The following KCNJ14 variants were observed in gnomAD, a reference collection of about 807,000 sequenced individuals.
The protein encoded by KCNJ14 is ATP-sensitive inward rectifier potassium channel 14.
A neutral mutation model predicts 24.5 loss-of-function variants in KCNJ14; 18 were observed. That is an observed-to-expected ratio of 0.74 (90% CI 0.51 to 1.09). The LOEUF (loss-of-function observed/expected upper bound fraction) is 1.09. KCNJ14 is among the 50% of genes least tolerant of loss of function. The pLI is 0.00. For synonymous variants in KCNJ14, 288 were observed against 270.8 expected, an observed-to-expected ratio of 1.06 and a Z score of -0.63; for missense variants, 633 against 623.0, an observed-to-expected ratio of 1.02 and a Z score of -0.17.
At chr19:48,461,550 A>AAAAAAAAAAAAAAAAAATG (rs370425889) in intron 1 of KCNJ14, 120 bp from the exon 2 acceptor site, 1 of 346,458 alleles carries the variant, frequency 2.9e-6, no homozygotes, top group African/African-American at 3.1e-5. Context: ...AAAAAAAAAA[A>AAAAAAAAAAAAAAAAAATG]TGCGTATCGT....
At position 48,462,365 on chromosome 19, in the gene KCNJ14, G is replaced by T; in HGVS notation, c.641G>T (p.Cys214Phe). 8 of 1,537,070 alleles carry T rather than the reference G, an allele frequency of 5.2e-6. No homozygotes were observed. Among genetic ancestry groups the T allele is most frequent in the Non-Finnish European group, 6.2e-6 (7 of 1,136,520 alleles). The change falls in exon 2 of 3, where the codon TGC (cysteine) becomes TTC (phenylalanine). Residue 214 changes from cysteine (C) to phenylalanine (F), a missense_variant. By Grantham distance (205) the Cys-to-Phe change is radical (BLOSUM62 -2). Coordinates refer to ENST00000342291, the MANE Select transcript of KCNJ14 (RefSeq NM_013348.4). This position sits in a 1 kb window ranked among gnomAD's most constrained non-coding sequence, Gnocchi z 4.9. Reference sequence around the variant, plus strand: ...GTGGCGCTGCGCGACCACCGCCTCTGCCTCATGTGGCGCGTCGGCAACCTG... The same window carrying T: ...GTGGCGCTGCGCGACCACCGCCTCTTCCTCATGTGGCGCGTCGGCAACCTG... The part of the protein sequence containing the change: ...AVVALRDHRL[C>F]LMWRVGNLRR...
rs1156545913 is a variant in KCNJ14, at chr19:48,462,241, G to A, written c.517G>A (p.Gly173Ser). The change falls in exon 2 of 3, where the codon GGC becomes AGC. Residue 173 changes from glycine to serine, a missense_variant. Coordinates refer to ENST00000342291, the MANE Select transcript of KCNJ14 (RefSeq NM_013348.4). This position sits in a 1 kb window ranked among gnomAD's most constrained non-coding sequence, Gnocchi z 4.9. Reference sequence around the variant, plus strand: ...CGCCGTGGTGCTGCAGTGCATTGCCGGCTGCGTGCTCGACGCCTTCGTCGT... The same window carrying A: ...CGCCGTGGTGCTGCAGTGCATTGCCAGCTGCGTGCTCGACGCCTTCGTCGT... ...VAAVVLQCIA[G>S]CVLDAFVVGA... 3.2e-6 allele frequency: 5 copies of A among 1,548,602 alleles called. No homozygotes were observed. Among genetic ancestry groups the A allele is most frequent in the Non-Finnish European group, 4.4e-6 (5 of 1,145,294 alleles).
At position 48,458,324 on chromosome 19, in the gene KCNJ14, A is replaced by G. The variant is rs145055135; in HGVS notation, c.-56+2466A>G. ...CCCACAGCAGTGTATGAGGATGCCA[A>G]TTTCTCCACATTCTCGCCAACACTT... On this transcript the variant is annotated intron_variant, in intron 1 of 2. Transcript: ENST00000342291. 5.6e-4 allele frequency among the ~76,000 whole-genome samples: 85 copies of G among 152,254 alleles called. 1 individual carries two copies. Among genetic ancestry groups the G allele is most frequent in the Non-Finnish European group, 9.7e-4 (66 of 68,008 alleles).
chr19:48,459,229 G>A (rs1328644991), intron 1 of KCNJ14, among the ~76,000 whole-genome samples: 3 of 133,012 alleles, frequency 2.3e-5, no homozygotes, highest in Non-Finnish European at 4.6e-5. Flanking sequence ...AACTAAGCAA[G>A]ACTCCGTCTC....
In KCNJ14 at chr19:48,464,749, C is replaced by T. The variant is rs377412381; in HGVS notation, c.1283C>T (p.Pro428Leu). Residue 428 changes from proline to leucine, a missense_variant, in exon 3 of 3, where the codon CCA (proline) becomes CTA (leucine). By Grantham distance (98) the Pro-to-Leu change is moderately conservative (BLOSUM62 -3). Transcript: ENST00000342291. ...GCTGCTAGCCCCCGAGTTCTCACAC[C>T]AACCCTGGCGCTGACCCTGCCTCCA... ...DGAASPRVLTPTLALTLPP is the reference protein window; with the variant it reads ...DGAASPRVLTLTLALTLPP The T allele has an allele frequency of 7.3e-5, 117 of 1,606,632 alleles. No homozygotes were observed. Among genetic ancestry groups the T allele is most frequent in the Non-Finnish European group, 9.7e-5 (114 of 1,179,784 alleles).
rs949961054 is a variant in KCNJ14, at chr19:48,464,297, G to A, written c.831G>A (p.Glu277=). ...TGTCCCCCATCACCATCGTCCATGA[G>A]ATCGACTCTGCCAGTCCTCTGTATG... ...FLVSPITIVH[E]IDSASPLYEL... Residue 277 remains glutamate (E), a synonymous_variant, in exon 3 of 3, where the codon GAG becomes GAA. Coordinates refer to ENST00000342291, the MANE Select transcript of KCNJ14 (RefSeq NM_013348.4). The A allele has an allele frequency of 6.2e-7, 1 of 1,613,852 alleles. No homozygotes were observed. Among genetic ancestry groups the A allele is most frequent in the Non-Finnish European group, 8.5e-7 (1 of 1,179,980 alleles).
At position 48,462,376 on chromosome 19, in the gene KCNJ14, C is replaced by A; in HGVS notation, c.652C>A (p.Arg218Ser). ...CGACCACCGCCTCTGCCTCATGTGGCGCGTCGGCAACCTGCGCCGCAGCCA... is the reference window on the plus strand; with the variant it reads ...CGACCACCGCCTCTGCCTCATGTGGAGCGTCGGCAACCTGCGCCGCAGCCA... ...LRDHRLCLMW[R>S]VGNLRRSHLV... Residue 218 changes from arginine (R) to serine (S), a missense_variant, in exon 2 of 3, where the codon CGC becomes AGC. Transcript: ENST00000342291. This position sits in a 1 kb window ranked among gnomAD's most constrained non-coding sequence, Gnocchi z 4.9. 6.5e-7 allele frequency: 1 copy of A among 1,531,936 alleles called. No homozygotes were observed. 94.9% of individuals were successfully genotyped at this position (1,531,936 alleles called of 1,614,324 possible).
Position 48,462,428 on chromosome 19 carries a change from A to G in KCNJ14, c.704A>G (p.Gln235Arg). ...SHLVEAHVRA[Q>R]LLQPRVTPEG... ...CTGGTCGAGGCCCACGTGCGTGCCCAGCTGCTGCAGGTGCGCCCGGGAGGA... is the reference window on the plus strand; with the variant it reads ...CTGGTCGAGGCCCACGTGCGTGCCCGGCTGCTGCAGGTGCGCCCGGGAGGA... Residue 235 changes from glutamine (Q) to arginine (R), a missense_variant, in exon 2 of 3, where the codon CAG becomes CGG. Physicochemically the swap from Gln to Arg is conservative, Grantham distance 43. Coordinates refer to ENST00000342291, the MANE Select transcript of KCNJ14 (RefSeq NM_013348.4). The surrounding 1 kb of genome is among the most constrained non-coding windows in gnomAD (Gnocchi z 4.9). 6.8e-7 allele frequency: 1 copy of G among 1,477,272 alleles called. No homozygotes were observed. The highest frequency in any genetic ancestry group is 9.0e-7 in the Non-Finnish European group (1 of 1,110,338). The allele number at this position is 1,477,272 out of a possible 1,614,324, so 91.5% of individuals were successfully genotyped here.
chr19:48,462,452 G>A lies in KCNJ14; in HGVS notation c.714+14G>A. On this transcript the variant is annotated intron_variant, in intron 2 of 2. Transcript: ENST00000342291. This position sits in a 1 kb window ranked among gnomAD's most constrained non-coding sequence, Gnocchi z 4.9. ...CAGCTGCTGCAGGTGCGCCCGGGAG[G>A]AGAGGCGGGGACTTCCGTGAGCCCT... 2 of 1,453,108 alleles carry A rather than the reference G, an allele frequency of 1.4e-6. No homozygotes were observed. Among genetic ancestry groups the A allele is most frequent in the African/African-American group, 1.4e-5 (1 of 70,198 alleles). The allele number at this position is 1,453,108 out of a possible 1,614,324, so 90.0% of individuals were successfully genotyped here.
In KCNJ14 at chr19:48,465,607, C is replaced by T. The variant is rs1226702697; in HGVS notation, c.*830C>T. Reference sequence around the variant, plus strand: ...AGAATAAGCAGTGCTTTGAAAGGATCCACTGGGTGGGTTGTTTTTTTTTAA... The same window carrying T: ...AGAATAAGCAGTGCTTTGAAAGGATTCACTGGGTGGGTTGTTTTTTTTTAA... On this transcript the variant is annotated 3_prime_UTR_variant, in exon 3 of 3. Transcript: ENST00000342291. The T allele has an allele frequency of 6.6e-6, 1 of 152,498 alleles. No individual in the cohort carries two copies. The highest frequency in any genetic ancestry group is 1.5e-5 in the Non-Finnish European group (1 of 68,036). The allele number at this position is 152,498 out of a possible 1,614,324, so 9.4% of individuals were successfully genotyped here. A position where few individuals can be genotyped will look rare whatever the true frequency, so the allele number is the denominator to read the frequency against.
chr19:48,462,369 CAT>C lies in KCNJ14; in HGVS notation c.646_647del (p.Met216ValfsTer30). ...VALRDHRLCL[M>X]WRVGNLRRSH... ...CGCTGCGCGACCACCGCCTCTGCCT[CAT>C]GTGGCGCGTCGGCAACCTGCGCCGC... On this transcript the variant is annotated frameshift_variant, in exon 2 of 3. Coordinates refer to ENST00000342291, the MANE Select transcript of KCNJ14 (RefSeq NM_013348.4). LOFTEE classifies it high-confidence loss of function. The surrounding 1 kb of genome is among the most constrained non-coding windows in gnomAD (Gnocchi z 4.9). 2 of 1,536,284 alleles carry C rather than the reference CAT, an allele frequency of 1.3e-6. No homozygotes were observed. Among genetic ancestry groups the C allele is most frequent in the African/African-American group, 2.7e-5 (2 of 72,922 alleles).
chr19:48,464,119 C>G, intron 2 of KCNJ14, 62 bp from the exon 3 acceptor site: 2 of 1,121,726 alleles, frequency 1.8e-6, no homozygotes, highest in South Asian at 2.5e-5. Flanking sequence ...TCCTCTCTCT[C>G]ACTTCGTCTC....
In KCNJ14 at chr19:48,464,827, A is replaced by G. The variant is rs981843732; in HGVS notation, c.*50A>G. ...TGTATGCCCCCTTCCCCAAGGTAGC[A>G]AGATGGAGGGATGGGGCTCTCTCCT... On this transcript the variant is annotated 3_prime_UTR_variant, in exon 3 of 3. Transcript: ENST00000342291. 1.5e-6 allele frequency: 2 copies of G among 1,358,214 alleles called. No homozygotes were observed. The highest frequency in any genetic ancestry group is 2.9e-5 in the African/African-American group (2 of 70,052). 84.1% of individuals were successfully genotyped at this position (1,358,214 alleles called of 1,614,324 possible).
chr19:48,464,740 T>G lies in KCNJ14; in HGVS notation c.1274T>G (p.Val425Gly), dbSNP rs1971639164. Residue 425 changes from valine to glycine, a missense_variant, in exon 3 of 3, where the codon GTT becomes GGT. Val to Gly is a moderately radical substitution (Grantham distance 109). Coordinates refer to ENST00000342291, the MANE Select transcript of KCNJ14 (RefSeq NM_013348.4). Reference sequence around the variant, plus strand: ...GAAGATGGGGCTGCTAGCCCCCGAGTTCTCACACCAACCCTGGCGCTGACC... The same window carrying G: ...GAAGATGGGGCTGCTAGCCCCCGAGGTCTCACACCAACCCTGGCGCTGACC... ...ETEDGAASPR[V>G]LTPTLALTLP... The G allele has an allele frequency of 3.1e-6, 5 of 1,608,798 alleles. No individual in the cohort carries two copies. The East Asian group carries it at 1.1e-4, about 36-fold the overall frequency.
intron 1 of KCNJ14, among the ~76,000 whole-genome samples, chr19:48,460,060 T>C (rs1460865938): frequency 3.3e-5 from 5 of 151,830 alleles, no homozygotes; most frequent in Admixed American, 2.0e-4. Context: ...TGCAATTCAA[T>C]TGATGGATTT....
Position 48,465,770 on chromosome 19 carries a change from T to G in KCNJ14, c.*993T>G, listed in dbSNP as rs1364937027. 1.3e-5 allele frequency: 2 copies of G among 152,770 alleles called. No individual in the cohort carries two copies. The highest frequency in any genetic ancestry group is 3.9e-4 in the East Asian group (2 of 5,184). The allele number at this position is 152,770 out of a possible 1,614,324, so 9.5% of individuals were successfully genotyped here. A position where few individuals can be genotyped will look rare whatever the true frequency, so the allele number is the denominator to read the frequency against. Reference sequence around the variant, plus strand: ...TGCCCAATGGAGTTGAGAATCTCAATGATTCTAGATGACTTCTTGTGGTTC... The same window carrying G: ...TGCCCAATGGAGTTGAGAATCTCAAGGATTCTAGATGACTTCTTGTGGTTC... On this transcript the variant is annotated 3_prime_UTR_variant, in exon 3 of 3. Transcript: ENST00000342291.
In KCNJ14 at chr19:48,465,020, C is replaced by T. The variant is rs1971642327; in HGVS notation, c.*243C>T. On this transcript the variant is annotated 3_prime_UTR_variant, in exon 3 of 3. Transcript: ENST00000342291. The stretch of plus-strand genomic sequence containing the variant: ...TATGAGCCTGATTCCTCAGTCTCAC[C>T]AGAATTCTGGATCACCCAAGAGGAA... 1.9e-5 allele frequency: 10 copies of T among 525,146 alleles called. No individual in the cohort carries two copies. The highest frequency in any genetic ancestry group is 2.7e-5 in the Non-Finnish European group (8 of 293,900). 32.5% of individuals were successfully genotyped at this position (525,146 alleles called of 1,614,324 possible). A position where few individuals can be genotyped will look rare whatever the true frequency, so the allele number is the denominator to read the frequency against.
Position 48,462,538 on chromosome 19 carries a change from G to T in KCNJ14, c.714+100G>T. On this transcript the variant is annotated intron_variant, in intron 2 of 2. Transcript: ENST00000342291. This position sits in a 1 kb window ranked among gnomAD's most constrained non-coding sequence, Gnocchi z 4.9. ...GGCGTGCGGTCCTGGAGGGGGCGTG[G>T]ACTACAACTCCCAGCAGCCTCTTGG... 1 of 889,122 alleles carries T rather than the reference G, an allele frequency of 1.1e-6. No homozygotes were observed. Among genetic ancestry groups the T allele is most frequent in the Non-Finnish European group, 1.6e-6 (1 of 607,460 alleles). 55.1% of individuals were successfully genotyped at this position (889,122 alleles called of 1,614,324 possible).
rs1971642727 is a variant in KCNJ14 at position 48,465,076 on chromosome 19, G to T, written c.*299G>T. On this transcript the variant is annotated 3_prime_UTR_variant, in exon 3 of 3. Coordinates refer to ENST00000342291, the MANE Select transcript of KCNJ14 (RefSeq NM_013348.4). The stretch of plus-strand genomic sequence containing the variant: ...TGGCAGTTCTAGATTCCTCTATATG[G>T]GGAGACCTGGATTGTTGACCAGGGT... The T allele has an allele frequency of 5.3e-6, 2 of 379,398 alleles. No homozygotes were observed. The highest frequency in any genetic ancestry group is 9.6e-6 in the Non-Finnish European group (2 of 207,526). The allele number at this position is 379,398 out of a possible 1,614,324, so 23.5% of individuals were successfully genotyped here.
Sources: allele counts gnomAD v4.1 joint callset (sites outside exome capture counted in the v4.1 genomes callset), GRCh38; gene constraint gnomAD v4.1.1; non-coding constraint Gnocchi (gnomAD v3.1); transcripts MANE v1.5; gene names NCBI Gene and HGNC (gene_info 2026-07-23, HGNC 2026-07-21).